Variants in NAA11 observed in about 807,000 individuals in gnomAD.
The protein encoded by NAA11 is N-alpha-acetyltransferase 11, NatA catalytic subunit.
A neutral mutation model predicts 16.1 loss-of-function variants in NAA11; 15 were observed. The ratio of observed to expected loss-of-function variants is 0.93; its 90% CI spans 0.62 to 1.44. The LOEUF is 1.44. NAA11 is among the 40% of genes most tolerant of loss of function. NAA11 has a pLI of 0.00. For missense variants in NAA11, 298 were observed against 291.3 expected (o/e 1.02, Z -0.17); for synonymous variants, 122 against 112.4 (o/e 1.09, Z -0.54).
At chr4:79,200,414 T>A in the NAA11 span, among the ~76,000 whole-genome samples, 1 of 151,794 alleles carries the variant, frequency 6.6e-6, no homozygotes, top group African/African-American at 2.4e-5. Context: ...CAGCAATGAA[T>A]CATCCATTTA....
chr4:79,290,639 G>A (rs889969948), intron 2 of NAA11, among the ~76,000 whole-genome samples: 1 of 152,136 alleles, frequency 6.6e-6, no homozygotes. Flanking sequence ...CAGGACTCCA[G>A]GAACAGTTGT....
At chr4:79,322,539 G>GAT (rs1174260431) in intron 1 of NAA11, among the ~76,000 whole-genome samples, 1 of 151,626 alleles carries the variant, frequency 6.6e-6, no homozygotes, top group Non-Finnish European at 1.5e-5. Context: ...AACAACCTCT[G>GAT]ATTAGCTCTG....
At chr4:79,185,827 C>T in the NAA11 span, among the ~76,000 whole-genome samples, 1 of 151,852 alleles carries the variant, frequency 6.6e-6, no homozygotes, top group Non-Finnish European at 1.5e-5. Context: ...CATGTATCAT[C>T]TTGTCTGAAA....
intron 2 of NAA11, among the ~76,000 whole-genome samples, chr4:79,268,807 C>T (rs1189319523): frequency 6.6e-6 from 1 of 150,430 alleles, no homozygotes; most frequent in Non-Finnish European, 1.5e-5. Flanking sequence ...CCCACTAACT[C>T]GTTATCTAGC....
At chr4:79,216,220 T>C in the NAA11 span, among the ~76,000 whole-genome samples, 12 of 152,192 alleles carry the variant, frequency 7.9e-5, 1 homozygote, top group African/African-American at 2.4e-4. Flanking sequence ...CTATGAGTAA[T>C]AATGAAGAAA....
chr4:79,314,918 A>T (rs1356624774), downstream of NAA11, among the ~76,000 whole-genome samples: 1 of 152,088 alleles, frequency 6.6e-6, no homozygotes, highest in African/African-American at 2.4e-5. Flanking sequence ...CACGTTTTTA[A>T]CAAACTCTAT....
At chr4:79,171,591 G>C in the NAA11 span, among the ~76,000 whole-genome samples, 1 of 152,178 alleles carries the variant, frequency 6.6e-6, no homozygotes, top group African/African-American at 2.4e-5. Context: ...TGAAGGGGGA[G>C]GTACAGGTGC....
At chr4:79,167,852 T>A in the NAA11 span, among the ~76,000 whole-genome samples, 1 of 152,082 alleles carries the variant, frequency 6.6e-6, no homozygotes, top group Non-Finnish European at 1.5e-5. Context: ...TACACACTTT[T>A]TTTTTACTCT....
intron 2 of NAA11, among the ~76,000 whole-genome samples, chr4:79,262,421 T>A (rs896928538): frequency 3.3e-5 from 5 of 152,194 alleles, no homozygotes; most frequent in Non-Finnish European, 5.9e-5. Context: ...GCCACATCTT[T>A]AATGAGGGCT....
chr4:79,183,141 A>C, the NAA11 span, among the ~76,000 whole-genome samples: 3 of 152,152 alleles, frequency 2.0e-5, no homozygotes, highest in Admixed American at 2.0e-4. Flanking sequence ...CAATATGTGA[A>C]TCCTCTCTAT....
the NAA11 span, among the ~76,000 whole-genome samples, chr4:79,156,729 A>G: frequency 6.6e-6 from 1 of 152,188 alleles, no homozygotes; most frequent in African/African-American, 2.4e-5. Context: ...AAAATTCACT[A>G]TCGTACATCT....
At chr4:79,278,682 AT>A (rs1352061759) in intron 2 of NAA11, among the ~76,000 whole-genome samples, 1 of 152,098 alleles carries the variant, frequency 6.6e-6, no homozygotes. Context: ...ATATTACATT[AT>A]ATTATATCAC....
the NAA11 span, among the ~76,000 whole-genome samples, chr4:79,156,788 T>G: frequency 6.6e-6 from 1 of 152,210 alleles, no homozygotes; most frequent in Non-Finnish European, 1.5e-5. Flanking sequence ...TGCCTGAGCT[T>G]CTGGTAATTG....
intron 1 of NAA11, among the ~76,000 whole-genome samples, chr4:79,297,989 G>T (rs749232612): frequency 2.0e-5 from 3 of 152,228 alleles, no homozygotes; most frequent in Non-Finnish European, 4.4e-5. Flanking sequence ...CCCCACTGAG[G>T]CTGATAAAAG....
exon 3 of NAA11, chr4:79,225,899 C>G (rs541660233): frequency 6.6e-6 from 1 of 152,202 alleles, no homozygotes; most frequent in African/African-American, 2.4e-5. Flanking sequence ...CTTATAGCAT[C>G]TTATAAAAAT....
At chr4:79,245,754 C>A (rs1285770966) in intron 2 of NAA11, among the ~76,000 whole-genome samples, 7 of 149,794 alleles carry the variant, frequency 4.7e-5, no homozygotes, top group Admixed American at 4.0e-4. Flanking sequence ...CAGCCACCCC[C>A]TCTGGGAGGT....
At chr4:79,188,401 C>A in the NAA11 span, among the ~76,000 whole-genome samples, 1 of 151,872 alleles carries the variant, frequency 6.6e-6, no homozygotes, top group African/African-American at 2.4e-5. Flanking sequence ...CTGGCTAACG[C>A]GGTGAAACCC....
At chr4:79,262,129 A>G (rs538965199) in intron 2 of NAA11, among the ~76,000 whole-genome samples, 1 of 152,358 alleles carries the variant, frequency 6.6e-6, no homozygotes, top group Non-Finnish European at 1.5e-5. Flanking sequence ...TTCTAATGAT[A>G]CTTAGTGCCT....
intron 1 of NAA11, among the ~76,000 whole-genome samples, chr4:79,318,302 A>C (rs901032261): frequency 6.6e-6 from 1 of 152,244 alleles, no homozygotes; most frequent in African/African-American, 2.4e-5. Context: ...AAACCAAAAT[A>C]ACCATAATGT....
Sources: allele counts gnomAD v4.1 joint callset (sites outside exome capture counted in the v4.1 genomes callset), GRCh38; gene constraint gnomAD v4.1.1; transcripts MANE v1.5; gene names NCBI Gene and HGNC (gene_info 2026-07-23, HGNC 2026-07-21).